PCDHA2: variants seen among roughly 807,000 people sequenced by gnomAD.
PCDHA2 encodes the protein protocadherin alpha-2.
PCDHA2 carries 58 observed loss-of-function variants against 66.0 expected under a neutral mutation model. The ratio of observed to expected loss-of-function variants is 0.88; its 90% CI spans 0.71 to 1.09. The LOEUF is 1.09. Among genes scored for constraint, PCDHA2 ranks in the 50% least tolerant of loss-of-function variants. The pLI, the probability that PCDHA2 is intolerant of heterozygous loss-of-function variation, is 0.00. For missense variants in PCDHA2, 1,267 were observed against 1,242.3 expected (o/e 1.02, Z -0.30); for synonymous variants, 634 against 554.0 (o/e 1.14, Z -2.03).
rs2150125758 is a variant in PCDHA2 at position 140,823,426 on chromosome 5, C to A, written c.2388+26074C>A. 13 of 1,613,328 alleles carry A rather than the reference C, an allele frequency of 8.1e-6. No individual in the cohort carries two copies. The East Asian group carries it at 8.9e-5, about 11-fold the overall frequency. On this transcript the variant is annotated intron_variant, in intron 1 of 3. Coordinates refer to ENST00000526136, the MANE Select transcript of PCDHA2 (RefSeq NM_018905.3). Reference sequence around the variant, plus strand: ...GCCTCTGGGCAGCAACGTGACGCTGCAGGTGTTCGTGCTGGACGAGAACGA... The same window carrying A: ...GCCTCTGGGCAGCAACGTGACGCTGAAGGTGTTCGTGCTGGACGAGAACGA...
At chr5:140,926,740 A>G (rs1291119790) in intron 1 of PCDHA2, 2 of 1,186,206 alleles carry the variant, frequency 1.7e-6, no homozygotes, top group Non-Finnish European at 2.2e-6. Context: ...CGGGAGGCGC[A>G]ACGTCGGCGG....
At chr5:140,994,657 A>G (rs2097643468) in intron 3 of PCDHA2, among the ~76,000 whole-genome samples, 1 of 152,166 alleles carries the variant, frequency 6.6e-6, no homozygotes, top group Non-Finnish European at 1.5e-5. Flanking sequence ...GTGAGCTGAG[A>G]TCACACTACT....
chr5:140,891,009 A>AT (rs35053611), intron 1 of PCDHA2, among the ~76,000 whole-genome samples: 3 of 152,052 alleles, frequency 2.0e-5, no homozygotes, highest in East Asian at 3.9e-4. Context: ...ATTGAAAAGC[A>AT]TTTTTTCTGA....
intron 1 of PCDHA2, chr5:140,828,956 G>A: frequency 1.2e-6 from 2 of 1,614,244 alleles, no homozygotes; most frequent in Non-Finnish European, 1.7e-6. Flanking sequence ...TGCAGCCATG[G>A]TTATTGACCA....
At chr5:140,969,514 G>T (rs2096339995) in intron 1 of PCDHA2, 3 of 1,414,044 alleles carry the variant, frequency 2.1e-6, no homozygotes, top group Admixed American at 2.8e-5. Flanking sequence ...TAGCACTAAA[G>T]AATTGTTTTA....
chr5:140,989,575 G>A (rs2097349164), intron 3 of PCDHA2, among the ~76,000 whole-genome samples: 3 of 152,210 alleles, frequency 2.0e-5, no homozygotes. Flanking sequence ...GGCAAGCCCT[G>A]TCCTCAGCCT....
chr5:140,823,715 TG>T, intron 1 of PCDHA2: 2 of 1,613,918 alleles, frequency 1.2e-6, no homozygotes, highest in Non-Finnish European at 1.7e-6. Flanking sequence ...CACCGCCTTC[TG>T]GTGCTGGTGA....
At chr5:140,884,293 G>A in intron 1 of PCDHA2, 2 of 1,613,666 alleles carry the variant, frequency 1.2e-6, no homozygotes, top group Non-Finnish European at 1.7e-6. Flanking sequence ...GCGGCCAAGC[G>A]CCACAGGCTT....
intron 1 of PCDHA2, chr5:140,821,789 G>C: frequency 3.1e-6 from 5 of 1,611,922 alleles, no homozygotes; most frequent in Non-Finnish European, 4.2e-6. Context: ...GTATATTCCC[G>C]GAGAGGAAGT....
At position 140,801,987 on chromosome 5, in the gene PCDHA2, G is replaced by C. The variant is rs782305894; in HGVS notation, c.2388+4635G>C. On this transcript the variant is annotated intron_variant, in intron 1 of 3. Coordinates refer to ENST00000526136, the MANE Select transcript of PCDHA2 (RefSeq NM_018905.3). ...ACCAAATGGTACCCTAGTGGTGACC[G>C]TTAACGCCACCGATTTGGATGAAGG... 9.9e-6 allele frequency: 16 copies of C among 1,614,224 alleles called. No individual in the cohort carries two copies. In the South Asian group the frequency reaches 1.8e-4, roughly 18 times the overall value.
chr5:140,808,357 G>A, intron 1 of PCDHA2: 1 of 1,614,204 alleles, frequency 6.2e-7, no homozygotes, highest in South Asian at 1.1e-5. Context: ...GCTCCTTGAC[G>A]TCCCACGTCC....
intron 1 of PCDHA2, among the ~76,000 whole-genome samples, chr5:140,946,679 C>T (rs556487333): frequency 4.1e-5 from 6 of 144,812 alleles, no homozygotes; most frequent in East Asian, 4.0e-4. Flanking sequence ...TCCTGTCATT[C>T]GTGACAATAT....
chr5:140,843,577 A>G, intron 1 of PCDHA2: 1 of 1,595,954 alleles, frequency 6.3e-7, no homozygotes, highest in East Asian at 2.2e-5. Context: ...CATACTCGCA[A>G]CAACAGCCGC....
chr5:140,882,299 C>T (rs781797969), intron 1 of PCDHA2: 33 of 1,613,690 alleles, frequency 2.0e-5, no homozygotes, highest in Non-Finnish European at 2.7e-5. Flanking sequence ...AGGCCCAAGA[C>T]CGCGGCAACT....
intron 1 of PCDHA2, chr5:140,968,792 A>G (rs200477554): frequency 2.5e-6 from 4 of 1,614,186 alleles, no homozygotes; most frequent in Admixed American, 3.3e-5. Flanking sequence ...CTCTGTGGCC[A>G]TTACAGTAGC....
At chr5:140,808,014 A>G in intron 1 of PCDHA2, 1 of 1,613,822 alleles carries the variant, frequency 6.2e-7, no homozygotes, top group Non-Finnish European at 8.5e-7. Context: ...TTGAATGGGG[A>G]CATTGTTTAT....
rs2150224433 is a variant in PCDHA2 at position 140,834,693 on chromosome 5, A to G, written c.2388+37341A>G. 2.5e-6 allele frequency: 4 copies of G among 1,614,238 alleles called. No homozygotes were observed. In the Admixed American group the frequency reaches 6.7e-5, roughly 27 times the overall value. ...GTGCGGGCGGAGCGCGGAGTGCAGC[A>G]TCCACCTGGAGGTGATCGTGGAAAG... On this transcript the variant is annotated intron_variant, in intron 1 of 3. Coordinates refer to ENST00000526136, the MANE Select transcript of PCDHA2 (RefSeq NM_018905.3).
At position 140,945,888 on chromosome 5, in the gene PCDHA2, C is replaced by T. The variant is rs117232601; in HGVS notation, c.2389-33061C>T. Among the ~76,000 whole-genome samples, 21 of 152,006 alleles carry T rather than the reference C, an allele frequency of 1.4e-4. No homozygotes were observed. The East Asian group carries it at 2.9e-3, about 21-fold the overall frequency. On this transcript the variant is annotated intron_variant, in intron 1 of 3. Transcript: ENST00000526136. Reference sequence around the variant, plus strand: ...GAAATTGTAAAACTAACAAAGAAAACACAGTGGGAAAGATGAAAGATCAAT... The same window carrying T: ...GAAATTGTAAAACTAACAAAGAAAATACAGTGGGAAAGATGAAAGATCAAT...
intron 1 of PCDHA2, among the ~76,000 whole-genome samples, chr5:140,922,895 A>G (rs2153566398): frequency 6.6e-6 from 1 of 152,340 alleles, no homozygotes; most frequent in East Asian, 1.9e-4. Context: ...ATTCAAGAAA[A>G]AATTTTGAGA....
Sources: gnomAD v4.1 joint callset for allele counts (sites outside exome capture counted in the v4.1 genomes callset) on GRCh38, gnomAD v4.1.1 for gene constraint, MANE v1.5 for transcripts, NCBI Gene and HGNC (gene_info 2026-07-23, HGNC 2026-07-21) for gene names.